PLCXD3: variants seen among roughly 807,000 people sequenced by gnomAD.
PLCXD3 encodes the protein PI-PLC X domain-containing protein 3.
A neutral mutation model predicts 25.5 loss-of-function variants in PLCXD3; 19 were observed. The ratio of observed to expected loss-of-function variants is 0.75; its 90% CI spans 0.52 to 1.09. The LOEUF is 1.09. PLCXD3 is among the 50% of genes least tolerant of loss of function. The probability of loss-of-function intolerance (pLI) is 0.00; values close to 1 mark genes in which losing one functional copy is unlikely to be tolerated. For synonymous variants in PLCXD3, 174 were observed against 137.6 expected (o/e 1.26, Z -1.85); for missense variants, 411 against 388.1 (o/e 1.06, Z -0.50).
intron 1 of PLCXD3, among the ~76,000 whole-genome samples, chr5:41,476,162 C>G (rs752370985): frequency 2.0e-5 from 3 of 152,172 alleles, no homozygotes; most frequent in African/African-American, 7.2e-5. Flanking sequence ...TAAGCTGAAC[C>G]ATTGTAAGTT....
At chr5:41,421,989 A>G (rs1293280524) in intron 1 of PLCXD3, among the ~76,000 whole-genome samples, 11 of 2,364 alleles carry the variant, frequency 4.7e-3, no homozygotes, top group African/African-American at 0.023. Flanking sequence ...AGGTATTTCC[A>G]TATATATATA....
chr5:41,467,353 T>C (rs1349738498), intron 1 of PLCXD3, among the ~76,000 whole-genome samples: 1 of 152,224 alleles, frequency 6.6e-6, no homozygotes, highest in African/African-American at 2.4e-5. Context: ...TATGATTTCT[T>C]TTGAGAAATG....
At chr5:41,502,851 C>T (rs1554053947) in intron 1 of PLCXD3, among the ~76,000 whole-genome samples, 1 of 152,054 alleles carries the variant, frequency 6.6e-6, no homozygotes, top group Non-Finnish European at 1.5e-5. Context: ...CATGCTGGAC[C>T]AAGAAATTTG....
chr5:41,368,917 A>G (rs1033808052), intron 2 of PLCXD3, among the ~76,000 whole-genome samples: 5 of 152,194 alleles, frequency 3.3e-5, no homozygotes, highest in Non-Finnish European at 7.3e-5. Context: ...AACAACCCGC[A>G]TCAGGAGACA....
At chr5:41,355,496 C>G (rs766855612) in intron 2 of PLCXD3, among the ~76,000 whole-genome samples, 5 of 152,210 alleles carry the variant, frequency 3.3e-5, no homozygotes, top group Non-Finnish European at 7.3e-5. Flanking sequence ...AAGCCACACC[C>G]TTTTCATGAA....
intron 1 of PLCXD3, among the ~76,000 whole-genome samples, chr5:41,450,304 G>A (rs1293712117): frequency 2.0e-5 from 3 of 152,108 alleles, no homozygotes; most frequent in Non-Finnish European, 4.4e-5. Flanking sequence ...AGACACAAAA[G>A]CTTCCAGCCA....
chr5:41,322,059 C>A (rs969337701), intron 2 of PLCXD3, among the ~76,000 whole-genome samples: 5 of 152,094 alleles, frequency 3.3e-5, no homozygotes, highest in Admixed American at 2.0e-4. Flanking sequence ...CACAGGCAAC[C>A]AAACCAAACA....
chr5:41,338,546 G>T (rs1333233106), intron 2 of PLCXD3, among the ~76,000 whole-genome samples: 1 of 151,884 alleles, frequency 6.6e-6, no homozygotes, highest in Non-Finnish European at 1.5e-5. Context: ...TTTTCAAGGG[G>T]CTCAACTTGA....
intron 1 of PLCXD3, among the ~76,000 whole-genome samples, chr5:41,464,311 A>G (rs1291707495): frequency 6.6e-6 from 1 of 152,066 alleles, no homozygotes; most frequent in African/African-American, 2.4e-5. Context: ...CTAAGAAATA[A>G]ACATCAGTGA....
intron 1 of PLCXD3, among the ~76,000 whole-genome samples, chr5:41,410,162 C>T (rs1195618497): frequency 6.1e-5 from 7 of 114,848 alleles, no homozygotes; most frequent in South Asian, 2.4e-4. Flanking sequence ...TTTTTTGAGA[C>T]GGAGTCTCAC....
At chr5:41,324,834 C>T (rs1330369244) in intron 2 of PLCXD3, among the ~76,000 whole-genome samples, 3 of 152,198 alleles carry the variant, frequency 2.0e-5, no homozygotes, top group Non-Finnish European at 4.4e-5. Context: ...TCAACAGACT[C>T]ATTCACCTTG....
intron 1 of PLCXD3, among the ~76,000 whole-genome samples, chr5:41,454,502 A>G (rs539361162): frequency 6.6e-6 from 1 of 152,122 alleles, no homozygotes; most frequent in Non-Finnish European, 1.5e-5. Context: ...TCTTGTGGAC[A>G]GAGCCCTAAT....
chr5:41,421,703 AAAAAC>A (rs1407407495), intron 1 of PLCXD3, among the ~76,000 whole-genome samples: 1 of 152,202 alleles, frequency 6.6e-6, no homozygotes, highest in African/African-American at 2.4e-5. Context: ...TCCTTCTCAA[AAAAAC>A]AAAACAAAAC....
At chr5:41,381,515 G>A (rs921634370) in intron 2 of PLCXD3, among the ~76,000 whole-genome samples, 2 of 152,050 alleles carry the variant, frequency 1.3e-5, no homozygotes, top group African/African-American at 4.8e-5. Flanking sequence ...CTGGAGTGAT[G>A]CATGTATAAG....
intron 1 of PLCXD3, among the ~76,000 whole-genome samples, chr5:41,444,495 A>G (rs960404340): frequency 6.6e-6 from 1 of 152,130 alleles, no homozygotes; most frequent in Non-Finnish European, 1.5e-5. Flanking sequence ...ACTTATCTGT[A>G]ATTGATTTAA....
chr5:41,440,076 A>AT (rs1370549472), intron 1 of PLCXD3, among the ~76,000 whole-genome samples: 1 of 152,126 alleles, frequency 6.6e-6, no homozygotes, highest in African/African-American at 2.4e-5. Flanking sequence ...TATGATGGCC[A>AT]TTTATAGAGT....
At chr5:41,493,586 C>T (rs894420409) in intron 1 of PLCXD3, among the ~76,000 whole-genome samples, 1 of 152,240 alleles carries the variant, frequency 6.6e-6, no homozygotes, top group African/African-American at 2.4e-5. Flanking sequence ...GTGGGCTCCA[C>T]CCAGTTCGAG....
chr5:41,382,451 A>T lies in PLCXD3; in HGVS notation c.187T>A (p.Ser63Thr). 1.9e-6 allele frequency: 3 copies of T among 1,613,208 alleles called. No homozygotes were observed. The highest frequency in any genetic ancestry group is 2.5e-6 in the Non-Finnish European group (3 of 1,179,684). The change falls in exon 2 of 3, where the codon TCT becomes ACT. Residue 63 changes from serine to threonine, a missense_variant. Coordinates refer to ENST00000377801, the MANE Select transcript of PLCXD3 (RefSeq NM_001005473.3). Reference protein sequence around the residue: ...EQPETVQNFVSVFGTVAKKLM... With the variant: ...EQPETVQNFVTVFGTVAKKLM... ...TTTTTGGCCACAGTTCCAAACACAG[A>T]GACAAAATTCTGGACAGTTTCTGGC...
chr5:41,382,750 TAAG>T (rs1315356669), intron 1 of PLCXD3, among the ~76,000 whole-genome samples: 9 of 152,240 alleles, frequency 5.9e-5, no homozygotes, highest in East Asian at 1.9e-4. Context: ...TATTAAACAA[TAAG>T]AAGATTTCCT....
Sources: allele counts gnomAD v4.1 joint callset (sites outside exome capture counted in the v4.1 genomes callset), GRCh38; gene constraint gnomAD v4.1.1; transcripts MANE v1.5; gene names NCBI Gene and HGNC (gene_info 2026-07-23, HGNC 2026-07-21).